The following TCERG1L variants were observed in gnomAD, a reference collection of about 807,000 sequenced individuals.
TCERG1L encodes transcription elongation regulator 1 like.
TCERG1L carries 37 observed loss-of-function variants against 56.3 expected under a neutral mutation model. The observed-to-expected ratio is 0.66, with a 90% CI of 0.51 to 0.87. The LOEUF (loss-of-function observed/expected upper bound fraction) is 0.87. Ranked by LOEUF, TCERG1L falls within the 40% of genes least tolerant of loss-of-function variation. The pLI is 0.00. For synonymous variants in TCERG1L, 324 were observed against 326.3 expected, an observed-to-expected ratio of 0.99 and a Z score of 0.08; for missense variants, 799 against 774.2, an observed-to-expected ratio of 1.03 and a Z score of -0.38.
chr10:131,249,172 T>C (rs1846077118), intron 4 of TCERG1L, among the ~76,000 whole-genome samples: 1 of 152,220 alleles, frequency 6.6e-6, no homozygotes, highest in South Asian at 2.1e-4. Context: ...GACAAAATGA[T>C]TTATTTACAA....
At chr10:131,098,910 C>T (rs1031653524) in intron 10 of TCERG1L, among the ~76,000 whole-genome samples, 5 of 152,202 alleles carry the variant, frequency 3.3e-5, no homozygotes, top group African/African-American at 1.2e-4. Flanking sequence ...AATTGACATT[C>T]GAGTCTCCCA....
intron 4 of TCERG1L, among the ~76,000 whole-genome samples, chr10:131,235,864 C>T (rs138610159): frequency 3.7e-4 from 57 of 152,278 alleles, no homozygotes; most frequent in African/African-American, 1.2e-3. Context: ...TCTTATAAAA[C>T]GAAAATGCAT....
At chr10:131,292,416 A>ATGTTAC (rs770609487) in intron 3 of TCERG1L, among the ~76,000 whole-genome samples, 1 of 152,192 alleles carries the variant, frequency 6.6e-6, no homozygotes, top group African/African-American at 2.4e-5. Flanking sequence ...ATTCTTACAG[A>ATGTTAC]TGTTACTGTT....
chr10:131,123,140 C>T (rs1054924262), intron 8 of TCERG1L, among the ~76,000 whole-genome samples: 10 of 152,186 alleles, frequency 6.6e-5, no homozygotes, highest in African/African-American at 1.9e-4. Context: ...TTGGTTAGCA[C>T]GCGGCTGCTG....
chr10:131,219,461 G>A (rs966145782), intron 4 of TCERG1L, among the ~76,000 whole-genome samples: 2 of 152,202 alleles, frequency 1.3e-5, no homozygotes, highest in African/African-American at 4.8e-5. Flanking sequence ...GGCTGTGGGT[G>A]GACCCTTAGC....
In TCERG1L at chr10:131,311,580, GGCTGCTGCT is replaced by G; in HGVS notation, c.47_55del (p.Gln16_Gln18del). Reference sequence around the variant, plus strand: ...CCAGAGGAGAGGCTGCCGCCGCCGGGGCTGCTGCTGCTGCAGCTGCCGCCGCCGCCGCTG... The same window carrying G: ...CCAGAGGAGAGGCTGCCGCCGCCGGGGCTGCAGCTGCCGCCGCCGCCGCTG... On this transcript the variant is annotated inframe_deletion, in exon 1 of 12. Transcript: ENST00000368642. The surrounding 1 kb of genome is among the most constrained non-coding windows in gnomAD (Gnocchi z 4.0). The G allele has an allele frequency of 8.6e-7, 1 of 1,157,898 alleles. No homozygotes were observed. Among genetic ancestry groups the G allele is most frequent in the Non-Finnish European group, 1.1e-6 (1 of 941,208 alleles). The allele number at this position is 1,157,898 out of a possible 1,614,324, so 71.7% of individuals were successfully genotyped here. A position where few individuals can be genotyped will look rare whatever the true frequency, so the allele number is the denominator to read the frequency against.
At chr10:131,217,905 T>C (rs2133495192) in intron 4 of TCERG1L, among the ~76,000 whole-genome samples, 1 of 152,140 alleles carries the variant, frequency 6.6e-6, no homozygotes, top group Non-Finnish European at 1.5e-5. Context: ...TTTGTATTTT[T>C]AGTACAGACG....
At position 131,093,248 on chromosome 10, in the gene TCERG1L, C is replaced by T; in HGVS notation, c.1675G>A (p.Asp559Asn). The change falls in exon 12 of 12, where the codon GAC (aspartate) becomes AAC (asparagine). Residue 559 changes from aspartate to asparagine, a missense_variant. Physicochemically the swap from Asp to Asn is conservative, Grantham distance 23. Coordinates refer to ENST00000368642, the MANE Select transcript of TCERG1L (RefSeq NM_174937.4). Reference sequence around the variant, plus strand: ...AATTGGTTGAAAAAATGCTCCTGGTCCTTTCTTTTTTGAACAAGTCGGAAC... The same window carrying T: ...AATTGGTTGAAAAAATGCTCCTGGTTCTTTCTTTTTTGAACAAGTCGGAAC... The part of the protein sequence containing the change: ...QRFRLVQKRK[D>N]QEHFFNQFIL... The T allele has an allele frequency of 6.2e-7, 1 of 1,613,974 alleles. No individual in the cohort carries two copies. The highest frequency in any genetic ancestry group is 8.5e-7 in the Non-Finnish European group (1 of 1,179,856).
intron 3 of TCERG1L, among the ~76,000 whole-genome samples, chr10:131,290,558 G>A (rs1447656109): frequency 1.3e-5 from 2 of 150,086 alleles, no homozygotes; most frequent in Non-Finnish European, 2.9e-5. Context: ...TTGAACCCAC[G>A]AGGCGGAGGT....
At chr10:131,188,991 A>G (rs1408161095) in intron 4 of TCERG1L, among the ~76,000 whole-genome samples, 1 of 152,224 alleles carries the variant, frequency 6.6e-6, no homozygotes, top group African/African-American at 2.4e-5. Flanking sequence ...CTTTAAAAAA[A>G]TCTAGTAATA....
chr10:131,266,923 G>A (rs1017177623), intron 3 of TCERG1L, among the ~76,000 whole-genome samples: 2 of 152,096 alleles, frequency 1.3e-5, no homozygotes, highest in African/African-American at 4.8e-5. Context: ...GCCTCAGAGG[G>A]GAGGAAGTGC....
intron 3 of TCERG1L, among the ~76,000 whole-genome samples, chr10:131,291,518 C>T (rs1846626088): frequency 7.0e-6 from 1 of 142,100 alleles, no homozygotes; most frequent in Non-Finnish European, 1.5e-5. Context: ...GCTCCGCCTC[C>T]CAGGTTCATG....
At chr10:131,232,656 G>A (rs770569975) in intron 4 of TCERG1L, among the ~76,000 whole-genome samples, 2 of 152,178 alleles carry the variant, frequency 1.3e-5, no homozygotes, top group African/African-American at 2.4e-5. Flanking sequence ...AAGTTTTCAC[G>A]TTCCAACAGT....
intron 3 of TCERG1L, among the ~76,000 whole-genome samples, chr10:131,277,047 C>T (rs575714101): frequency 6.6e-6 from 1 of 152,276 alleles, no homozygotes; most frequent in South Asian, 2.1e-4. Context: ...CCTGTCCTTG[C>T]AGAACTGCTA....
chr10:131,142,622 C>T (rs1157583822), intron 7 of TCERG1L, among the ~76,000 whole-genome samples: 2 of 152,198 alleles, frequency 1.3e-5, no homozygotes, highest in Middle Eastern at 3.2e-3. Context: ...CTGGTGAGCT[C>T]GCACCAAGAG....
At chr10:131,203,701 C>T (rs772800064) in intron 4 of TCERG1L, among the ~76,000 whole-genome samples, 7 of 152,158 alleles carry the variant, frequency 4.6e-5, no homozygotes, top group Admixed American at 2.0e-4. Context: ...CAGTAGGGGC[C>T]GGGAGGTGGG....
chr10:131,248,375 T>C (rs1846064880), intron 4 of TCERG1L, among the ~76,000 whole-genome samples: 1 of 152,170 alleles, frequency 6.6e-6, no homozygotes, highest in Non-Finnish European at 1.5e-5. Context: ...AAGGTCTCCA[T>C]GTCCCTAGCA....
chr10:131,127,827 GTCACCGTC>G (rs1845578800), intron 8 of TCERG1L, among the ~76,000 whole-genome samples: 1 of 152,106 alleles, frequency 6.6e-6, no homozygotes, highest in Admixed American at 6.5e-5. Context: ...CACTGCTCTT[GTCACCGTC>G]TCATCTAAAC....
At chr10:131,285,580 GA>G (rs147172100) in intron 3 of TCERG1L, among the ~76,000 whole-genome samples, 7,554 of 139,612 alleles carry the variant, frequency 0.054, 467 homozygotes, top group Admixed American at 0.15. Context: ...AAGAAAGAAA[GA>G]AAAAAAATGA....
Sources: gnomAD v4.1 joint callset for allele counts (sites outside exome capture counted in the v4.1 genomes callset) on GRCh38, gnomAD v4.1.1 for gene constraint, Gnocchi (gnomAD v3.1) non-coding constraint, MANE v1.5 for transcripts, NCBI Gene and HGNC (gene_info 2026-07-23, HGNC 2026-07-21) for gene names.